ATAD2B: variants seen among roughly 807,000 people sequenced by gnomAD.
ATAD2B encodes the protein ATPase family AAA domain-containing protein 2B.
Under a neutral mutation model 167.6 loss-of-function variants are expected in ATAD2B, and 40 were observed. That is an observed-to-expected ratio of 0.24 (90% CI 0.19 to 0.31). ATAD2B has a LOEUF of 0.31. Among genes scored for constraint, ATAD2B ranks in the 10% least tolerant of loss-of-function variants. The pLI is 1.00. For missense variants in ATAD2B, 1,242 were observed against 1,757.2 expected (o/e 0.71, Z 5.24); for synonymous variants, 579 against 596.5 (o/e 0.97, Z 0.43).
chr2:23,923,907 G>A (rs1041021137), intron 1 of ATAD2B, among the ~76,000 whole-genome samples: 4 of 152,252 alleles, frequency 2.6e-5, no homozygotes, highest in African/African-American at 9.6e-5. Flanking sequence ...CACAGGCTGG[G>A]CGCGGTGGCT....
chr2:23,827,930 T>C (rs1688488420), intron 15 of ATAD2B: 1 of 152,626 alleles, frequency 6.6e-6, no homozygotes, highest in East Asian at 1.9e-4. Flanking sequence ...GTTTTAATTA[T>C]TTGATGGTGG....
intron 1 of ATAD2B, among the ~76,000 whole-genome samples, chr2:23,898,990 A>C (rs867066490): frequency 2.9e-4 from 44 of 152,270 alleles, no homozygotes; most frequent in African/African-American, 9.1e-4. Flanking sequence ...CTCTACTAAA[A>C]ATACAAAATT....
intron 14 of ATAD2B, among the ~76,000 whole-genome samples, chr2:23,831,081 G>A (rs1432883879): frequency 3.3e-5 from 5 of 151,998 alleles, no homozygotes; most frequent in African/African-American, 1.2e-4. Context: ...CTTAAATGTA[G>A]AAATCAAGAA....
intron 13 of ATAD2B, among the ~76,000 whole-genome samples, chr2:23,852,012 A>G (rs920322529): frequency 3.3e-5 from 5 of 152,164 alleles, no homozygotes; most frequent in Non-Finnish European, 5.9e-5. Flanking sequence ...ATAACAGAAT[A>G]GTAGGAAAAA....
chr2:23,765,676 C>A (rs1194499988), intron 22 of ATAD2B, 48 bp from the exon 23 acceptor site: 4 of 1,168,964 alleles, frequency 3.4e-6, no homozygotes, highest in Non-Finnish European at 4.5e-6. Context: ...AATAAAATAA[C>A]ATTAACAAAG....
At chr2:23,794,695 ATACTG>A (rs1682327793) in intron 19 of ATAD2B, among the ~76,000 whole-genome samples, 1 of 152,112 alleles carries the variant, frequency 6.6e-6, no homozygotes, top group Non-Finnish European at 1.5e-5. Context: ...CACATGAAAT[ATACTG>A]TACTATTAAA....
rs184108368 is a variant in ATAD2B, at chr2:23,859,694, T to C, written c.1480-2191A>G. Reference sequence around the variant, plus strand: ...CGGGCTTGGTGGCTCATGCCTGTAATCCCAGCACTTTGGGAGGTCGAGACA... The same window carrying C: ...CGGGCTTGGTGGCTCATGCCTGTAACCCCAGCACTTTGGGAGGTCGAGACA... On this transcript the variant is annotated intron_variant, in intron 12 of 27. Coordinates refer to ENST00000238789, the MANE Select transcript of ATAD2B (RefSeq NM_017552.4). 2.0e-5 allele frequency among the ~76,000 whole-genome samples: 3 copies of C among 152,296 alleles called. No individual in the cohort carries two copies. In the East Asian group the frequency reaches 5.8e-4, roughly 29 times the overall value.
At chr2:23,827,596 TATC>T (rs1320466659) in intron 15 of ATAD2B, among the ~76,000 whole-genome samples, 1 of 152,110 alleles carries the variant, frequency 6.6e-6, no homozygotes, top group Non-Finnish European at 1.5e-5. Context: ...TCTAGTAAAA[TATC>T]ATCATAAATA....
At chr2:23,800,186 TAAAACAAG>T (rs1232451345) in intron 18 of ATAD2B, among the ~76,000 whole-genome samples, 1 of 151,844 alleles carries the variant, frequency 6.6e-6, no homozygotes, top group Non-Finnish European at 1.5e-5. Flanking sequence ...TCTGTGCTGG[TAAAACAAG>T]AAAGAGTCAG....
At chr2:23,799,241 A>AT (rs1231530780) in intron 18 of ATAD2B, among the ~76,000 whole-genome samples, 4 of 152,186 alleles carry the variant, frequency 2.6e-5, no homozygotes, top group Non-Finnish European at 5.9e-5. Flanking sequence ...CTTATTTTTA[A>AT]CACATTTCAA....
At chr2:23,774,728 C>T (rs963237374) in intron 22 of ATAD2B, among the ~76,000 whole-genome samples, 2 of 151,938 alleles carry the variant, frequency 1.3e-5, no homozygotes, top group Non-Finnish European at 2.9e-5. Context: ...GGTGAAACCC[C>T]GTCTCTACTA....
chr2:23,768,099 T>C (rs539454790), intron 22 of ATAD2B, among the ~76,000 whole-genome samples: 113 of 152,322 alleles, frequency 7.4e-4, no homozygotes, highest in African/African-American at 2.6e-3. Context: ...GTAATCTGCA[T>C]TATTAACATA....
chr2:23,855,022 C>A (rs898017061), intron 13 of ATAD2B, among the ~76,000 whole-genome samples: 1 of 152,136 alleles, frequency 6.6e-6, no homozygotes, highest in African/African-American at 2.4e-5. Flanking sequence ...TGGCAAAACC[C>A]TGTCTCTACT....
intron 1 of ATAD2B, among the ~76,000 whole-genome samples, chr2:23,923,958 T>G (rs937002089): frequency 6.6e-4 from 101 of 152,062 alleles, no homozygotes; most frequent in African/African-American, 2.3e-3. Flanking sequence ...CGAGGCGGGC[T>G]GATGACGAGG....
intron 19 of ATAD2B, among the ~76,000 whole-genome samples, chr2:23,796,782 CA>C (rs1227150403): frequency 6.6e-6 from 1 of 152,098 alleles, no homozygotes; most frequent in Admixed American, 6.5e-5. Context: ...TCCATGGTTT[CA>C]AAAGAAATTC....
intron 2 of ATAD2B, among the ~76,000 whole-genome samples, chr2:23,889,042 G>A (rs1400475968): frequency 6.6e-6 from 1 of 152,134 alleles, no homozygotes; most frequent in Non-Finnish European, 1.5e-5. Flanking sequence ...AAACTAAATT[G>A]CTGCATAATA....
chr2:23,891,221 T>C (rs375689976), intron 2 of ATAD2B, among the ~76,000 whole-genome samples: 1 of 152,112 alleles, frequency 6.6e-6, no homozygotes, highest in Non-Finnish European at 1.5e-5. Flanking sequence ...GGTTTCACCA[T>C]GTTGGCCAGG....
chr2:23,822,779 G>A (rs922801796), intron 16 of ATAD2B, among the ~76,000 whole-genome samples: 15 of 151,702 alleles, frequency 9.9e-5, no homozygotes, highest in Admixed American at 2.6e-4. Context: ...TTAGCCGGGC[G>A]TGGTGGCAGG....
intron 1 of ATAD2B, among the ~76,000 whole-genome samples, chr2:23,903,268 A>ATAAT (rs1260894884): frequency 3.3e-5 from 5 of 151,760 alleles, no homozygotes; most frequent in African/African-American, 1.2e-4. Context: ...AAATAAATAA[A>ATAAT]TGTTGTTTTC....
Sources: gnomAD v4.1 joint callset for allele counts (sites outside exome capture counted in the v4.1 genomes callset) on GRCh38, gnomAD v4.1.1 for gene constraint, MANE v1.5 for transcripts, NCBI Gene and HGNC (gene_info 2026-07-23, HGNC 2026-07-21) for gene names.